Variants in APC observed in about 807,000 individuals in gnomAD.
APC encodes APC regulator of Wnt signaling pathway.
A neutral mutation model predicts 247.0 loss-of-function variants in APC; 72 were observed. The ratio of observed to expected loss-of-function variants is 0.29; its 90% CI spans 0.24 to 0.35. The LOEUF is 0.35. Ranked by LOEUF, APC falls within the 10% of genes least tolerant of loss-of-function variation. APC has a pLI of 1.00. For synonymous variants in APC, 1,254 were observed against 1,162.5 expected (o/e 1.08, Z -1.60); for missense variants, 3,400 against 3,360.7 (o/e 1.01, Z -0.29).
chr5:112,713,212 A>T (rs1280813708), intron 1 of APC, among the ~76,000 whole-genome samples: 4 of 151,800 alleles, frequency 2.6e-5, no homozygotes, highest in Non-Finnish European at 5.9e-5. Context: ...AAAAGTCCAG[A>T]AATGGAGTAT....
intron 1 of APC, among the ~76,000 whole-genome samples, chr5:112,718,134 C>CA (rs1182994952): frequency 6.6e-6 from 1 of 151,336 alleles, no homozygotes; most frequent in Non-Finnish European, 1.5e-5. Flanking sequence ...CAATTTTAAG[C>CA]AAAAATATTT....
intron 8 of APC, among the ~76,000 whole-genome samples, chr5:112,810,479 A>T (rs577744390): frequency 9.9e-4 from 151 of 152,344 alleles, no homozygotes; most frequent in Non-Finnish European, 1.8e-3. Context: ...AGAGCTGACA[A>T]GGGAAACAAA....
chr5:112,761,223 T>A (rs769216668), intron 2 of APC, among the ~76,000 whole-genome samples: 1 of 152,228 alleles, frequency 6.6e-6, no homozygotes, highest in Non-Finnish European at 1.5e-5. Context: ...CTTTTGTTCT[T>A]GTATACACAG....
rs1297745273 is a variant in APC at position 112,707,799 on chromosome 5, G to C, written c.82G>C (p.Gly28Arg). The change falls in exon 1 of 14, where the codon GGC becomes CGC. Residue 28 changes from glycine to arginine, a missense_variant. Gly to Arg is a moderately radical substitution (Grantham distance 125). Transcript: ENST00000507379. ...CTCAGTTCTCGGGTCCTGGAGCACC[G>C]GCGGCAGCAGGAGCTGCGTCCGGCA... 6 of 1,370,596 alleles carry C rather than the reference G, an allele frequency of 4.4e-6. No individual in the cohort carries two copies. In the South Asian group the frequency reaches 6.1e-5, roughly 14 times the overall value. The allele number at this position is 1,370,596 out of a possible 1,614,324, so 84.9% of individuals were successfully genotyped here. A position where few individuals can be genotyped will look rare whatever the true frequency, so the allele number is the denominator to read the frequency against.
rs587782886 is a variant in APC, at chr5:112,819,171, G to A, written c.1139G>A (p.Arg380Gln). ...LGNSRGSKEARARASAALHNI... is the reference protein window; with the variant it reads ...LGNSRGSKEAQARASAALHNI... ...AATTCCCGGGGCAGTAAAGAGGCTCGGGCCAGGGCCAGTGCAGCACTCCAC... is the reference window on the plus strand; with the variant it reads ...AATTCCCGGGGCAGTAAAGAGGCTCAGGCCAGGGCCAGTGCAGCACTCCAC... Residue 380 changes from arginine (R) to glutamine (Q), a missense_variant, in exon 10 of 16, where the codon CGG (arginine) becomes CAG (glutamine). By Grantham distance (43) the Arg-to-Gln change is conservative. This residue lies in a region of APC where 199 missense variants were observed against 212.5 expected (regional missense o/e 0.94). Coordinates refer to ENST00000257430, the MANE Select transcript of APC (RefSeq NM_000038.6). 9.3e-5 allele frequency: 150 copies of A among 1,613,826 alleles called. No individual in the cohort carries two copies. The highest frequency in any genetic ancestry group is 3.0e-4 in the Admixed American group (18 of 59,960).
intron 1 of APC, among the ~76,000 whole-genome samples, chr5:112,751,059 T>G (rs1754304716): frequency 6.6e-6 from 1 of 152,136 alleles, no homozygotes; most frequent in Admixed American, 6.5e-5. Flanking sequence ...TCGTGGTTGA[T>G]CTATTCATGT....
In APC at chr5:112,845,321, T is replaced by C. The variant is rs1766890828; in HGVS notation, c.*1195T>C. The C allele has an allele frequency of 8.6e-6, 2 of 232,716 alleles. No individual in the cohort carries two copies. The highest frequency in any genetic ancestry group is 1.7e-5 in the Non-Finnish European group (2 of 117,504). The allele number at this position is 232,716 out of a possible 1,614,324, so 14.4% of individuals were successfully genotyped here. On this transcript the variant is annotated 3_prime_UTR_variant, in exon 16 of 16. Transcript: ENST00000257430. ...CAAGCAGCCTAGCACAGACTAAGCA[T>C]TGAGCATAATAGGCCCACATAATTT...
In APC at chr5:112,776,619, C is replaced by T. The variant is rs138940166; in HGVS notation, c.531+882C>T. ...TTGGGAGGCTGAGAAAGGTGGATCA[C>T]TTAAGGCCAGGAGTTCGAGACCAGC... On this transcript the variant is annotated intron_variant, in intron 5 of 15. Coordinates refer to ENST00000257430, the MANE Select transcript of APC (RefSeq NM_000038.6). 1.9e-4 allele frequency among the ~76,000 whole-genome samples: 29 copies of T among 152,292 alleles called. No individual in the cohort carries two copies. The East Asian group carries it at 5.4e-3, about 28-fold the overall frequency.
chr5:112,802,314 A>G (rs1760914497), intron 8 of APC, among the ~76,000 whole-genome samples: 1 of 152,160 alleles, frequency 6.6e-6, no homozygotes, highest in Non-Finnish European at 1.5e-5. Flanking sequence ...ATTACTAGTT[A>G]GCATTATATT....
intron 6 of APC, among the ~76,000 whole-genome samples, chr5:112,790,202 T>C (rs1759416511): frequency 6.6e-6 from 1 of 151,948 alleles, no homozygotes; most frequent in South Asian, 2.1e-4. Context: ...TTCAGAATCA[T>C]GATAGAGACT....
rs1380127485 is a variant in APC at position 112,837,598 on chromosome 5, C to G, written c.2004C>G (p.His668Gln). The change falls in exon 16 of 16, where the codon CAC (histidine) becomes CAG (glutamine). Residue 668 changes from histidine (H) to glutamine (Q), a missense_variant. Transcript: ENST00000257430. ...ACTGTCTACAAACTTTATTACAACACTTAAAATCTCATAGTTTGACAATAG... is the reference window on the plus strand; with the variant it reads ...ACTGTCTACAAACTTTATTACAACAGTTAAAATCTCATAGTTTGACAATAG... The part of the protein sequence containing the change: ...ENNCLQTLLQ[H>Q]LKSHSLTIVS... 1 of 1,612,496 alleles carries G rather than the reference C, an allele frequency of 6.2e-7. No homozygotes were observed. Among genetic ancestry groups the G allele is most frequent in the South Asian group, 1.1e-5 (1 of 90,986 alleles).
At chr5:112,833,091 A>G (rs1486140856) in intron 14 of APC, among the ~76,000 whole-genome samples, 1 of 150,224 alleles carries the variant, frequency 6.7e-6, no homozygotes, top group African/African-American at 2.5e-5. Context: ...ACTCTGCCAC[A>G]CAGCCTTGAC....
intron 14 of APC, among the ~76,000 whole-genome samples, chr5:112,830,671 T>G (rs1209346866): frequency 6.6e-6 from 1 of 152,132 alleles, no homozygotes; most frequent in African/African-American, 2.4e-5. Context: ...GTAAGCAAAT[T>G]GTGGAATATT....
In APC at chr5:112,842,330, G is replaced by A. The variant is rs1055180096; in HGVS notation, c.6736G>A (p.Val2246Ile). The A allele has an allele frequency of 9.3e-6, 15 of 1,613,718 alleles. No homozygotes were observed. In the Admixed American group the frequency reaches 1.2e-4, roughly 13 times the overall value. Reference protein sequence around the residue: ...VRNSSSSTSPVSKKGPPLKTP... With the variant: ...VRNSSSSTSPISKKGPPLKTP... ...AAATAGCTCCTCAAGTACAAGTCCT[G>A]TTTCTAAAAAAGGCCCACCCCTTAA... The change falls in exon 16 of 16, where the codon GTT becomes ATT. Residue 2246 changes from valine (V) to isoleucine (I), a missense_variant. Transcript: ENST00000257430.
chr5:112,822,057 T>G (rs556110623), intron 11 of APC, 66 bp downstream of exon 11: 2 of 1,058,896 alleles, frequency 1.9e-6, no homozygotes, highest in African/African-American at 3.1e-5. Context: ...ATGGTAGAAA[T>G]TCAGTATAGT....
In APC at chr5:112,749,625, C is replaced by G. The variant is rs1178472831; in HGVS notation, c.-18-5248C>G. Reference sequence around the variant, plus strand: ...GCCTCAGCCTCCGGAGGCGCTGGGACTACAGGCACATGCCACCATGCCCGG... The same window carrying G: ...GCCTCAGCCTCCGGAGGCGCTGGGAGTACAGGCACATGCCACCATGCCCGG... On this transcript the variant is annotated intron_variant, in intron 1 of 15. Transcript: ENST00000257430. Among the ~76,000 whole-genome samples the G allele has an allele frequency of 8.6e-5, 13 of 151,634 alleles. No individual in the cohort carries two copies. The East Asian group carries it at 2.5e-3, about 29-fold the overall frequency.
chr5:112,724,597 G>C (rs10075323), intron 1 of APC, among the ~76,000 whole-genome samples: 57,875 of 143,218 alleles, frequency 0.4, 13,440 homozygotes, highest in East Asian at 0.67. Flanking sequence ...GGGATCTATG[G>C]AAGCATTGGG....
intron 1 of APC, among the ~76,000 whole-genome samples, chr5:112,751,556 G>T (rs576662846): frequency 6.6e-6 from 1 of 151,768 alleles, no homozygotes; most frequent in Admixed American, 6.6e-5. Context: ...TTTATGCCCA[G>T]ATATTTGCAT....
chr5:112,830,316 A>G (rs1409923922), intron 14 of APC, among the ~76,000 whole-genome samples: 1 of 148,608 alleles, frequency 6.7e-6, no homozygotes, highest in Non-Finnish European at 1.5e-5. Context: ...AAGATACTTA[A>G]TATCATTAAT....
Sources: allele counts gnomAD v4.1 joint callset (sites outside exome capture counted in the v4.1 genomes callset), GRCh38; gene constraint gnomAD v4.1.1; regional missense constraint gnomAD v4.1.1; transcripts MANE v1.5; gene names NCBI Gene and HGNC (gene_info 2026-07-23, HGNC 2026-07-21).